Variants in RABGAP1L observed in about 807,000 individuals in gnomAD.
RABGAP1L encodes RAB GTPase activating protein 1 like.
RABGAP1L carries 63 observed loss-of-function variants against 137.7 expected under a neutral mutation model. That is an observed-to-expected ratio of 0.46 (90% CI 0.37 to 0.56). The LOEUF is 0.56. Ranked by LOEUF, RABGAP1L falls within the 20% of genes least tolerant of loss-of-function variation. The pLI is 0.00. For missense variants in RABGAP1L, 1,095 were observed against 1,244.0 expected (o/e 0.88, Z 1.80); for synonymous variants, 431 against 433.7 (o/e 0.99, Z 0.08).
chr1:174,577,353 C>T (rs988303110), intron 13 of RABGAP1L, among the ~76,000 whole-genome samples: 1 of 150,166 alleles, frequency 6.7e-6, no homozygotes, highest in African/African-American at 2.5e-5. Context: ...TAAATATGTA[C>T]ATATAGTCAA....
chr1:174,742,482 A>G (rs1683527207), intron 17 of RABGAP1L, among the ~76,000 whole-genome samples: 1 of 151,962 alleles, frequency 6.6e-6, no homozygotes, highest in Admixed American at 6.6e-5. Context: ...GCGCCACTGC[A>G]CTCCAGCCTA....
At chr1:174,676,552 TA>T (rs1294136571) in intron 14 of RABGAP1L, among the ~76,000 whole-genome samples, 2 of 152,230 alleles carry the variant, frequency 1.3e-5, no homozygotes, top group African/African-American at 4.8e-5. Flanking sequence ...TTTCAACTTC[TA>T]AGTGAAAAGA....
chr1:174,826,089 T>C (rs1349395347), intron 19 of RABGAP1L, among the ~76,000 whole-genome samples: 1 of 152,174 alleles, frequency 6.6e-6, no homozygotes, highest in African/African-American at 2.4e-5. Context: ...TGTTCCCATC[T>C]CTATGTCCAG....
intron 10 of RABGAP1L, among the ~76,000 whole-genome samples, chr1:174,301,707 G>A (rs1268090947): frequency 2.0e-5 from 3 of 152,106 alleles, no homozygotes; most frequent in African/African-American, 7.2e-5. Context: ...ATTGTGGCTG[G>A]GTCCAGGGCT....
intron 17 of RABGAP1L, among the ~76,000 whole-genome samples, chr1:174,738,311 G>A (rs1168092551): frequency 6.6e-6 from 1 of 152,154 alleles, no homozygotes; most frequent in Non-Finnish European, 1.5e-5. Context: ...CAGTTTTGCT[G>A]CGATGAATTT....
chr1:174,838,965 C>A (rs926128988), intron 19 of RABGAP1L, among the ~76,000 whole-genome samples: 2 of 112,524 alleles, frequency 1.8e-5, no homozygotes, highest in African/African-American at 6.5e-5. Context: ...TGACATGAGT[C>A]AGTAGAAGCC....
intron 19 of RABGAP1L, among the ~76,000 whole-genome samples, chr1:174,939,745 A>G (rs1395564541): frequency 6.6e-6 from 1 of 152,174 alleles, no homozygotes; most frequent in Non-Finnish European, 1.5e-5. Flanking sequence ...CAATTTTCTC[A>G]TTTAGGTAAC....
At chr1:174,369,928 A>G (rs995041922) in intron 11 of RABGAP1L, among the ~76,000 whole-genome samples, 11 of 152,208 alleles carry the variant, frequency 7.2e-5, no homozygotes, top group African/African-American at 2.7e-4. Context: ...ATTTTACTAA[A>G]TGTGTCATCA....
intron 11 of RABGAP1L, among the ~76,000 whole-genome samples, chr1:174,306,500 T>G (rs963179877): frequency 6.6e-6 from 1 of 152,348 alleles, no homozygotes; most frequent in African/African-American, 2.4e-5. Flanking sequence ...TTGATTTGCA[T>G]TTCTCTGATG....
intron 1 of RABGAP1L, among the ~76,000 whole-genome samples, chr1:174,166,946 TAA>T (rs1198240390): frequency 2.0e-4 from 31 of 152,350 alleles, no homozygotes; most frequent in Admixed American, 9.1e-4. Flanking sequence ...GGATAGTTGA[TAA>T]AGAGTTTTTG....
chr1:174,211,847 A>C (rs556134198), intron 1 of RABGAP1L, among the ~76,000 whole-genome samples: 2 of 152,308 alleles, frequency 1.3e-5, no homozygotes, highest in South Asian at 4.1e-4. Context: ...TATCAGACAA[A>C]ATTGATTTTA....
intron 13 of RABGAP1L, among the ~76,000 whole-genome samples, chr1:174,436,445 A>C (rs1653317992): frequency 6.6e-6 from 1 of 152,068 alleles, no homozygotes; most frequent in African/African-American, 2.4e-5. Context: ...TGGCTGCATA[A>C]ATGTCTTCTT....
At chr1:174,654,514 G>C (rs1487493191) in intron 14 of RABGAP1L, among the ~76,000 whole-genome samples, 1 of 151,978 alleles carries the variant, frequency 6.6e-6, no homozygotes. Flanking sequence ...TTCATGAGTG[G>C]TGTCCTGTAT....
intron 19 of RABGAP1L, among the ~76,000 whole-genome samples, chr1:174,863,440 G>A (rs1026012436): frequency 6.8e-5 from 10 of 148,120 alleles, no homozygotes; most frequent in Middle Eastern, 4.0e-3. Context: ...TTTGGAGGCC[G>A]AGGCGGGTGG....
At chr1:174,447,891 C>A in intron 13 of RABGAP1L, among the ~76,000 whole-genome samples, 1 of 30,050 alleles carries the variant, frequency 3.3e-5, no homozygotes, top group Non-Finnish European at 5.8e-5. Context: ...CCCCTTACCG[C>A]CCCCCCCCCA....
chr1:174,748,769 G>A (rs1291846368), intron 17 of RABGAP1L, among the ~76,000 whole-genome samples: 2 of 152,066 alleles, frequency 1.3e-5, no homozygotes, highest in African/African-American at 4.8e-5. Context: ...CAGCTACTTG[G>A]GAGGCTGATG....
At chr1:174,652,917 G>A (rs1182804606) in intron 14 of RABGAP1L, among the ~76,000 whole-genome samples, 3 of 152,194 alleles carry the variant, frequency 2.0e-5, no homozygotes, top group East Asian at 3.8e-4. Context: ...TCCCCCAGGT[G>A]CTCTGTCCCA....
chr1:174,631,308 T>G (rs1460481387), intron 13 of RABGAP1L, among the ~76,000 whole-genome samples: 1 of 138,244 alleles, frequency 7.2e-6, no homozygotes, highest in Non-Finnish European at 1.5e-5. Flanking sequence ...GAGCTTTACT[T>G]CCAACTATGT....
intron 13 of RABGAP1L, among the ~76,000 whole-genome samples, chr1:174,438,264 G>A (rs920965509): frequency 2.6e-5 from 4 of 152,096 alleles, no homozygotes; most frequent in African/African-American, 9.7e-5. Flanking sequence ...TCCCAAGATC[G>A]TTTTAGCTCT....
Sources: gnomAD v4.1 joint callset for allele counts (sites outside exome capture counted in the v4.1 genomes callset) on GRCh38, gnomAD v4.1.1 for gene constraint, MANE v1.5 for transcripts, NCBI Gene and HGNC (gene_info 2026-07-23, HGNC 2026-07-21) for gene names.